Variants in COL5A3 observed in about 807,000 individuals in gnomAD.
COL5A3 encodes collagen alpha-3(V) chain.
Under a neutral mutation model 250.0 loss-of-function variants are expected in COL5A3, and 172 were observed. The observed-to-expected ratio is 0.69, with a 90% CI of 0.61 to 0.78. The LOEUF (loss-of-function observed/expected upper bound fraction) is 0.78. Ranked by LOEUF, COL5A3 falls within the 30% of genes least tolerant of loss-of-function variation. The probability of loss-of-function intolerance (pLI) is 0.00; values close to 1 mark genes in which losing one functional copy is unlikely to be tolerated. For synonymous variants in COL5A3, 937 were observed against 900.4 expected, an observed-to-expected ratio of 1.04 and a Z score of -0.73; for missense variants, 2,340 against 2,334.4, an observed-to-expected ratio of 1.00 and a Z score of -0.05.
chr19:9,960,734 G>T lies in COL5A3; in HGVS notation c.5008C>A (p.Arg1670Ser). 6.2e-7 allele frequency: 1 copy of T among 1,614,062 alleles called. No individual in the cohort carries two copies. Among genetic ancestry groups the T allele is most frequent in the Non-Finnish European group, 8.5e-7 (1 of 1,180,030 alleles). The change falls in exon 66 of 67, where the codon CGC becomes AGC. Residue 1670 changes from arginine to serine, a missense_variant. Physicochemically the swap from Arg to Ser is moderately radical, Grantham distance 110 (BLOSUM62 -1). This residue lies in a region of COL5A3 where 1,179 missense variants were observed against 1,162.6 expected (regional missense o/e 1.01). Transcript: ENST00000264828. ...EATGDYSHSA[R>S]FLGTNGEELS... ...TCCTCTCCATTGGTGCCAAGGAAGCGGGCGGAGTGGCTGTAGTCACCCGTG... is the reference window on the plus strand; with the variant it reads ...TCCTCTCCATTGGTGCCAAGGAAGCTGGCGGAGTGGCTGTAGTCACCCGTG...
At chr19:10,000,681 C>G (rs1180952804) in intron 8 of COL5A3, among the ~76,000 whole-genome samples, 1 of 151,838 alleles carries the variant, frequency 6.6e-6, no homozygotes, top group African/African-American at 2.4e-5. Flanking sequence ...GGAGTAAAAG[C>G]CAAGCGCCTC....
chr19:9,971,138 T>G, intron 52 of COL5A3, 67 bp downstream of exon 52: 1 of 1,415,644 alleles, frequency 7.1e-7, no homozygotes, highest in Non-Finnish European at 9.5e-7. Flanking sequence ...TGCCCAGGTC[T>G]GTGGGGGTAG....
chr19:9,977,152 G>A (rs1236151327), intron 44 of COL5A3, 77 bp downstream of exon 44: 1 of 1,414,706 alleles, frequency 7.1e-7, no homozygotes, highest in Non-Finnish European at 1.0e-6. Flanking sequence ...ACCCCATGGA[G>A]AATGATCTCT....
At chr19:10,005,460 A>G in intron 4 of COL5A3, 98 bp downstream of exon 4, 1 of 1,268,240 alleles carries the variant, frequency 7.9e-7, no homozygotes, top group Non-Finnish European at 1.1e-6. Flanking sequence ...GATAGATTGA[A>G]GCTTGACATC....
Position 9,977,215 on chromosome 19 carries a change from G to C in COL5A3, c.3288+14C>G. On this transcript the variant is annotated intron_variant, in intron 44 of 66. Coordinates refer to ENST00000264828, the MANE Select transcript of COL5A3 (RefSeq NM_015719.4). ...TACCCACCCCACCCTGCCCCACTGGGGACCTTCACTCACCGCGTCTCCTTT... is the reference window on the plus strand; with the variant it reads ...TACCCACCCCACCCTGCCCCACTGGCGACCTTCACTCACCGCGTCTCCTTT... The C allele has an allele frequency of 1.9e-6, 3 of 1,613,588 alleles. No homozygotes were observed. The highest frequency in any genetic ancestry group is 2.5e-6 in the Non-Finnish European group (3 of 1,179,648).
At chr19:9,990,736 G>T (rs8101358) in intron 24 of COL5A3, among the ~76,000 whole-genome samples, 39,991 of 151,196 alleles carry the variant, frequency 0.26, 7,905 homozygotes, top group African/African-American at 0.56. Flanking sequence ...CTAATTTTTT[G>T]GTATTTTTAG....
intron 1 of COL5A3, among the ~76,000 whole-genome samples, chr19:10,006,572 G>T (rs181929816): frequency 6.6e-6 from 1 of 152,018 alleles, no homozygotes; most frequent in Non-Finnish European, 1.5e-5. Context: ...GCTCTCCCGC[G>T]CAGGCTCCCT....
chr19:9,965,218 G>A (rs1340351174), intron 64 of COL5A3, among the ~76,000 whole-genome samples: 1 of 141,516 alleles, frequency 7.1e-6, no homozygotes, highest in East Asian at 2.1e-4. Flanking sequence ...TCAGTGACAC[G>A]ATCTCGGCTC....
At chr19:9,986,860 G>C in intron 27 of COL5A3, 102 bp from the exon 28 acceptor site, 2 of 1,309,538 alleles carry the variant, frequency 1.5e-6, no homozygotes, top group Admixed American at 2.0e-5. Flanking sequence ...CCCAAGAGGA[G>C]GCTAGGCAGA....
intron 19 of COL5A3, 145 bp downstream of exon 19, chr19:9,993,235 G>T: frequency 9.0e-7 from 1 of 1,113,660 alleles, no homozygotes; most frequent in South Asian, 1.4e-5. Context: ...TCCAATCCTA[G>T]ACCTGCAAGT....
At chr19:9,972,156 TATTC>T (rs201853131) in intron 51 of COL5A3, among the ~76,000 whole-genome samples, 2,910 of 152,342 alleles carry the variant, frequency 0.019, 47 homozygotes, top group Admixed American at 0.031. Flanking sequence ...TTAATTTACT[TATTC>T]ATCCATTAAT....
At chr19:10,003,142 C>A (rs1013839047) in intron 6 of COL5A3, among the ~76,000 whole-genome samples, 5 of 152,276 alleles carry the variant, frequency 3.3e-5, no homozygotes, top group Non-Finnish European at 5.9e-5. Flanking sequence ...TAACTGTCCC[C>A]AGTGACCCCA....
chr19:9,976,943 A>G (rs916287921), intron 44 of COL5A3, among the ~76,000 whole-genome samples: 71 of 152,208 alleles, frequency 4.7e-4, no homozygotes, highest in African/African-American at 1.5e-3. Flanking sequence ...TCACAGGCAG[A>G]GGGAAGGATG....
chr19:9,990,178 G>C (rs986761173), intron 24 of COL5A3, among the ~76,000 whole-genome samples: 7 of 151,756 alleles, frequency 4.6e-5, no homozygotes, highest in Non-Finnish European at 1.0e-4. Flanking sequence ...TGGATCACCT[G>C]AGGTCAGGAG....
Position 9,986,722 on chromosome 19 carries a change from C to A in COL5A3, c.2182G>T (p.Gly728Cys). The change falls in exon 28 of 67, where the codon GGC becomes TGC. Residue 728 changes from glycine (G) to cysteine (C), a missense_variant. Physicochemically the swap from Gly to Cys is radical, Grantham distance 159. This residue lies in a region of COL5A3 where 1,152 missense variants were observed against 1,146.3 expected (regional missense o/e 1.00). Transcript: ENST00000264828. ...SGNRGLQGEK[G>C]EKGEDGFPGF... ...GTTCCTTCTCTCCTCACCTTCTCGCCTTTCTCCCCCTGGAGGCCCCGGTTG... is the reference window on the plus strand; with the variant it reads ...GTTCCTTCTCTCCTCACCTTCTCGCATTTCTCCCCCTGGAGGCCCCGGTTG... 1 of 1,613,614 alleles carries A rather than the reference C, an allele frequency of 6.2e-7. No individual in the cohort carries two copies. The highest frequency in any genetic ancestry group is 8.5e-7 in the Non-Finnish European group (1 of 1,179,966).
chr19:10,001,908 G>C (rs767220886), intron 6 of COL5A3, 27 bp from the exon 7 acceptor site: 1 of 1,548,986 alleles, frequency 6.5e-7, no homozygotes, highest in Non-Finnish European at 8.9e-7. Flanking sequence ...GGGAGCCTTG[G>C]GTCTCGGGTG....
At chr19:10,006,658 CT>C (rs1438396692) in intron 1 of COL5A3, among the ~76,000 whole-genome samples, 2 of 151,788 alleles carry the variant, frequency 1.3e-5, no homozygotes, top group Non-Finnish European at 2.9e-5. Context: ...AGTGTGTTTT[CT>C]TCCCCCACCT....
rs1212729662 is a variant in COL5A3, at chr19:9,977,442, TG to T, written c.3156del (p.Asp1054MetfsTer90). 1 of 1,522,372 alleles carries T rather than the reference TG, an allele frequency of 6.6e-7. No individual in the cohort carries two copies. The highest frequency in any genetic ancestry group is 2.3e-5 in the East Asian group (1 of 44,040). 94.3% of individuals were successfully genotyped at this position (1,522,372 alleles called of 1,614,324 possible). A position where few individuals can be genotyped will look rare whatever the true frequency, so the allele number is the denominator to read the frequency against. On this transcript the variant is annotated frameshift_variant, in exon 43 of 67. Coordinates refer to ENST00000264828, the MANE Select transcript of COL5A3 (RefSeq NM_015719.4). LOFTEE classifies it high-confidence loss of function. ...RGERGPPGPTGKDGIPGPLGP... is the reference protein window; with the variant it reads ...RGERGPPGPTXKDGIPGPLGP... ...CCCAGGGGCCCTGGGATCCCATCTT[TG>T]CCAGTGGGGCCAGGGGGGCCACGTT...
At position 9,968,185 on chromosome 19, in the gene COL5A3, A is replaced by C; in HGVS notation, c.4315-106T>G. 1.7e-6 allele frequency: 2 copies of C among 1,196,428 alleles called. No individual in the cohort carries two copies. The highest frequency in any genetic ancestry group is 2.5e-5 in the East Asian group (1 of 40,580). The allele number at this position is 1,196,428 out of a possible 1,614,324, so 74.1% of individuals were successfully genotyped here. On this transcript the variant is annotated intron_variant, in intron 59 of 66. Coordinates refer to ENST00000264828, the MANE Select transcript of COL5A3 (RefSeq NM_015719.4). The surrounding 1 kb of genome is among the most constrained non-coding windows in gnomAD (Gnocchi z 4.1). ...ACCAAAGGAAGACCCCGAACCCTAG[A>C]CAAGCCTCCAGTTCCCCCACAGAGA... is the stretch of plus-strand genomic sequence containing the variant.
Sources: allele counts gnomAD v4.1 joint callset (sites outside exome capture counted in the v4.1 genomes callset), GRCh38; gene constraint gnomAD v4.1.1; regional missense constraint gnomAD v4.1.1; non-coding constraint Gnocchi (gnomAD v3.1); transcripts MANE v1.5; gene names NCBI Gene and HGNC (gene_info 2026-07-23, HGNC 2026-07-21).